Variants in ST3GAL4 observed in about 807,000 individuals in gnomAD.
ST3GAL4 encodes CMP-N-acetylneuraminate-beta-galactosamide-alpha-2,3-sialyltransferase 4.
A neutral mutation model predicts 42.6 loss-of-function variants in ST3GAL4; 24 were observed. The ratio of observed to expected loss-of-function variants is 0.56; its 90% CI spans 0.41 to 0.79. ST3GAL4 has a LOEUF of 0.79. ST3GAL4 is among the 30% of genes least tolerant of loss of function. The probability of loss-of-function intolerance (pLI) is 0.00; values close to 1 mark genes in which losing one functional copy is unlikely to be tolerated. For missense variants in ST3GAL4, 311 were observed against 430.8 expected (o/e 0.72, Z 2.46); for synonymous variants, 135 against 163.2 (o/e 0.83, Z 1.32).
At position 126,406,689 on chromosome 11, in the gene ST3GAL4, T is replaced by C; in HGVS notation, c.101+132T>C. Reference sequence around the variant, plus strand: ...CGGCACATGACCTCATCCCTTCAGCTGCTGGTACGGAGTGTTTCCATGAGG... The same window carrying C: ...CGGCACATGACCTCATCCCTTCAGCCGCTGGTACGGAGTGTTTCCATGAGG... On this transcript the variant is annotated intron_variant, in intron 3 of 10. Coordinates refer to ENST00000444328, the MANE Select transcript of ST3GAL4 (RefSeq NM_001254757.2). The surrounding 1 kb of genome is among the most constrained non-coding windows in gnomAD (Gnocchi z 5.4). 1 of 912,322 alleles carries C rather than the reference T, an allele frequency of 1.1e-6. No individual in the cohort carries two copies. The highest frequency in any genetic ancestry group is 1.6e-6 in the Non-Finnish European group (1 of 639,456). 56.5% of individuals were successfully genotyped at this position (912,322 alleles called of 1,614,324 possible). A position where few individuals can be genotyped will look rare whatever the true frequency, so the allele number is the denominator to read the frequency against.
At chr11:126,389,853 C>T (rs1433663229) in intron 1 of ST3GAL4, among the ~76,000 whole-genome samples, 1 of 152,016 alleles carries the variant, frequency 6.6e-6, no homozygotes, top group Non-Finnish European at 1.5e-5. Context: ...TCCCAAAGTG[C>T]TGGGATTACA....
rs1348991509 is a variant in ST3GAL4 at position 126,409,743 on chromosome 11, T to C, written c.771+332T>C. Among the ~76,000 whole-genome samples, 1 of 152,170 alleles carries C rather than the reference T, an allele frequency of 6.6e-6. No homozygotes were observed. The highest frequency in any genetic ancestry group is 1.5e-5 in the Non-Finnish European group (1 of 68,030). ...CAGTGGTCTGATCTGTGGAACAACT[T>C]GAGCCATGCAGAGTTACTGTTAGAT... On this transcript the variant is annotated intron_variant, in intron 9 of 10. Coordinates refer to ENST00000444328, the MANE Select transcript of ST3GAL4 (RefSeq NM_001254757.2). The surrounding 1 kb of genome is among the most constrained non-coding windows in gnomAD (Gnocchi z 4.9).
intron 1 of ST3GAL4, among the ~76,000 whole-genome samples, chr11:126,389,135 C>T (rs1391399488): frequency 6.6e-6 from 1 of 152,186 alleles, no homozygotes; most frequent in Non-Finnish European, 1.5e-5. Context: ...CTCTCTCTTG[C>T]ACTTGCTGTC....
At chr11:126,401,345 A>G (rs1431546148) in intron 1 of ST3GAL4, among the ~76,000 whole-genome samples, 1 of 151,924 alleles carries the variant, frequency 6.6e-6, no homozygotes, top group Non-Finnish European at 1.5e-5. Context: ...AGGTGGGCGG[A>G]TCGCTTGAGG....
At chr11:126,372,481 A>G (rs184744609) in intron 1 of ST3GAL4, among the ~76,000 whole-genome samples, 2 of 148,630 alleles carry the variant, frequency 1.3e-5, no homozygotes, top group Admixed American at 1.4e-4. Context: ...TAATGGCGCG[A>G]TCTCAGCTCA....
At chr11:126,408,895 T>G (rs867088624) in intron 8 of ST3GAL4, 13 of 399,372 alleles carry the variant, frequency 3.3e-5, no homozygotes, top group Non-Finnish European at 4.5e-5. Context: ...AAGAGTTCAC[T>G]ACATCACTTT....
intron 9 of ST3GAL4, among the ~76,000 whole-genome samples, chr11:126,413,121 G>T (rs939636091): frequency 6.6e-6 from 1 of 151,994 alleles, no homozygotes; most frequent in South Asian, 2.1e-4. Flanking sequence ...AGATGGGGGG[G>T]TCTCACTATG....
intron 1 of ST3GAL4, among the ~76,000 whole-genome samples, chr11:126,395,576 C>G (rs558812231): frequency 6.6e-6 from 1 of 152,188 alleles, no homozygotes; most frequent in South Asian, 2.1e-4. Context: ...CCCATAATTC[C>G]CATGTGTCAT....
In ST3GAL4 at chr11:126,379,745, T is replaced by C. The variant is rs1952931753; in HGVS notation, c.-61+23903T>C. ...CAACCACCTTGGCCTCCTTAAGTGC[T>C]GGGATTACAGGCATGAGCCACCACA... On this transcript the variant is annotated intron_variant, in intron 1 of 10. Transcript: ENST00000444328. This position sits in a 1 kb window ranked among gnomAD's most constrained non-coding sequence, Gnocchi z 4.2. Among the ~76,000 whole-genome samples, 1 of 152,096 alleles carries C rather than the reference T, an allele frequency of 6.6e-6. No individual in the cohort carries two copies.
Position 126,406,223 on chromosome 11 carries a change from GTCT to G in ST3GAL4, c.16+55_16+57del, listed in dbSNP as rs1450377841. ...CCCTGGAGGACAGGCCTCAGAAGCC[GTCT>G]TCAGCAGGATCCTGGGACCTCTGGG... On this transcript the variant is annotated intron_variant, in intron 2 of 10. Transcript: ENST00000444328. This position sits in a 1 kb window ranked among gnomAD's most constrained non-coding sequence, Gnocchi z 5.4. The G allele has an allele frequency of 1.3e-6, 2 of 1,552,820 alleles. No homozygotes were observed. Among genetic ancestry groups the G allele is most frequent in the Non-Finnish European group, 1.7e-6 (2 of 1,148,408 alleles).
At chr11:126,407,987 C>T in intron 6 of ST3GAL4, 112 bp from the exon 7 acceptor site, 1 of 1,221,366 alleles carries the variant, frequency 8.2e-7, no homozygotes. Flanking sequence ...TCATGGGGAC[C>T]AGGGGCTGAG....
In ST3GAL4 at chr11:126,361,195, C is replaced by T. The variant is rs182257261; in HGVS notation, c.-61+5353C>T. ...TTATTTGAGGCCCAAGAAAGGTACC[C>T]CTACGGTGGAACCCTCACTTGGGTC... On this transcript the variant is annotated intron_variant, in intron 1 of 10. Coordinates refer to ENST00000444328, the MANE Select transcript of ST3GAL4 (RefSeq NM_001254757.2). Among the ~76,000 whole-genome samples, 3 of 152,312 alleles carry T rather than the reference C, an allele frequency of 2.0e-5. No homozygotes were observed. The East Asian group carries it at 5.8e-4, about 29-fold the overall frequency.
intron 1 of ST3GAL4, among the ~76,000 whole-genome samples, chr11:126,371,068 C>G (rs1293925015): frequency 6.6e-6 from 1 of 151,504 alleles, no homozygotes; most frequent in Non-Finnish European, 1.5e-5. Flanking sequence ...TGAACCTTAT[C>G]CCATATTAGA....
rs570062339 is a variant in ST3GAL4 at position 126,396,870 on chromosome 11, G to A, written c.-60-9226G>A. Among the ~76,000 whole-genome samples the A allele has an allele frequency of 1.8e-4, 28 of 152,118 alleles. 1 individual carries two copies. In the East Asian group the frequency reaches 4.1e-3, roughly 22 times the overall value. ...GTAATTATCGTGTTGAACTCACAGG[G>A]TCGAGATCATATTTAACACTTTCAC... On this transcript the variant is annotated intron_variant, in intron 1 of 10. Coordinates refer to ENST00000444328, the MANE Select transcript of ST3GAL4 (RefSeq NM_001254757.2). The surrounding 1 kb of genome is among the most constrained non-coding windows in gnomAD (Gnocchi z 5.8).
At position 126,406,193 on chromosome 11, in the gene ST3GAL4, C is replaced by A; in HGVS notation, c.16+22C>A. 6.4e-7 allele frequency: 1 copy of A among 1,556,986 alleles called. No homozygotes were observed. Among genetic ancestry groups the A allele is most frequent in the South Asian group, 1.2e-5 (1 of 84,396 alleles). ...TCCCGTGAGTGTCATCCGAGGGCTC[C>A]CCCACCCTGGAGGACAGGCCTCAGA... On this transcript the variant is annotated intron_variant, in intron 2 of 10. Coordinates refer to ENST00000444328, the MANE Select transcript of ST3GAL4 (RefSeq NM_001254757.2). The surrounding 1 kb of genome is among the most constrained non-coding windows in gnomAD (Gnocchi z 5.4).
chr11:126,389,156 A>G (rs1953371752), intron 1 of ST3GAL4, among the ~76,000 whole-genome samples: 1 of 152,136 alleles, frequency 6.6e-6, no homozygotes, highest in African/African-American at 2.4e-5. Context: ...TGTCTCACTT[A>G]AATTTTATGT....
Position 126,400,461 on chromosome 11 carries a change from C to T in ST3GAL4, c.-60-5635C>T, listed in dbSNP as rs773251258. ...AACACATTCAAACCATAGCAGGCAC[C>T]TTAATAAAGGTGGAAAAGGGATGTG... On this transcript the variant is annotated intron_variant, in intron 1 of 10. Transcript: ENST00000444328. This position sits in a 1 kb window ranked among gnomAD's most constrained non-coding sequence, Gnocchi z 4.6. 1.1e-4 allele frequency among the ~76,000 whole-genome samples: 17 copies of T among 152,172 alleles called. No individual in the cohort carries two copies. Among genetic ancestry groups the T allele is most frequent in the Non-Finnish European group, 1.6e-4 (11 of 68,048 alleles).
chr11:126,398,947 G>A lies in ST3GAL4; in HGVS notation c.-60-7149G>A, dbSNP rs1294971045. The stretch of plus-strand genomic sequence containing the variant: ...AGCCACAGGTCCTGAGGGCTCCCAA[G>A]ACCTGGCTTTTGACATAGTTCCTTC... On this transcript the variant is annotated intron_variant, in intron 1 of 10. Coordinates refer to ENST00000444328, the MANE Select transcript of ST3GAL4 (RefSeq NM_001254757.2). The surrounding 1 kb of genome is among the most constrained non-coding windows in gnomAD (Gnocchi z 4.7). Among the ~76,000 whole-genome samples the A allele has an allele frequency of 6.6e-6, 1 of 152,180 alleles. No individual in the cohort carries two copies. The highest frequency in any genetic ancestry group is 2.4e-5 in the African/African-American group (1 of 41,436).
At position 126,385,507 on chromosome 11, in the gene ST3GAL4, G is replaced by C. The variant is rs144703601; in HGVS notation, c.-60-20589G>C. On this transcript the variant is annotated intron_variant, in intron 1 of 10. Coordinates refer to ENST00000444328, the MANE Select transcript of ST3GAL4 (RefSeq NM_001254757.2). ...TCATCCCAAATTTCATGGGTGCATA[G>C]AGTATAGAGATTAAAAGTAGTTCTG... Among the ~76,000 whole-genome samples, 81 of 152,272 alleles carry C rather than the reference G, an allele frequency of 5.3e-4. 1 individual carries two copies. Among genetic ancestry groups the C allele is most frequent in the African/African-American group, 1.7e-3 (72 of 41,558 alleles).
Sources: allele counts gnomAD v4.1 joint callset (sites outside exome capture counted in the v4.1 genomes callset), GRCh38; gene constraint gnomAD v4.1.1; non-coding constraint Gnocchi (gnomAD v3.1); transcripts MANE v1.5; gene names NCBI Gene and HGNC (gene_info 2026-07-23, HGNC 2026-07-21).